ZFAND6: variants seen among roughly 807,000 people sequenced by gnomAD.
The protein encoded by ZFAND6 is AN1-type zinc finger protein 6.
ZFAND6 carries 12 observed loss-of-function variants against 24.5 expected under a neutral mutation model. That is an observed-to-expected ratio of 0.49 (90% CI 0.31 to 0.79). The LOEUF (loss-of-function observed/expected upper bound fraction) is 0.79. Ranked by LOEUF, ZFAND6 falls within the 30% of genes least tolerant of loss-of-function variation. The pLI is 0.04. For synonymous variants in ZFAND6, 92 were observed against 81.5 expected (o/e 1.13, Z -0.69); for missense variants, 207 against 245.9 (o/e 0.84, Z 1.06).
chr15:80,136,890 T>C (rs1009451934), intron 6 of ZFAND6, among the ~76,000 whole-genome samples: 1 of 152,214 alleles, frequency 6.6e-6, no homozygotes, highest in Admixed American at 6.5e-5. Context: ...TCCTTACTTA[T>C]TATTATTCCA....
rs928842480 is a variant in ZFAND6 at position 80,114,454 on chromosome 15, T to C, written c.-17-5874T>C. Among the ~76,000 whole-genome samples, 46 of 152,052 alleles carry C rather than the reference T, an allele frequency of 3.0e-4. 1 individual carries two copies. The highest frequency in any genetic ancestry group is 3.0e-3 in the Admixed American group (46 of 15,258). On this transcript the variant is annotated intron_variant, in intron 2 of 6. Coordinates refer to ENST00000261749, the MANE Select transcript of ZFAND6 (RefSeq NM_019006.4). ...TATACAAACTAAAACCGAAGTAATATGATGAGAACTGGGTGTTTTAGGAGA... is the reference window on the plus strand; with the variant it reads ...TATACAAACTAAAACCGAAGTAATACGATGAGAACTGGGTGTTTTAGGAGA...
chr15:80,118,566 GTATGTATATATACA>G lies in ZFAND6; in HGVS notation c.-17-1750_-17-1737del, dbSNP rs1476987692. On this transcript the variant is annotated intron_variant, in intron 2 of 6. Coordinates refer to ENST00000261749, the MANE Select transcript of ZFAND6 (RefSeq NM_019006.4). ...TTTTTAATGTGATATGTGTGTGTAT[GTATGTATATATACA>G]TATGTATATATTTTACAGGGCTGTA... Among the ~76,000 whole-genome samples the G allele has an allele frequency of 6.6e-5, 10 of 152,102 alleles. No individual in the cohort carries two copies. The East Asian group carries it at 1.9e-3, about 29-fold the overall frequency.
intron 6 of ZFAND6, among the ~76,000 whole-genome samples, chr15:80,133,251 G>A (rs989992720): frequency 1.3e-5 from 2 of 150,696 alleles, no homozygotes; most frequent in East Asian, 1.9e-4. Context: ...GGAGTACAGT[G>A]GCACTATCTC....
chr15:80,077,106 TG>T (rs1432567315), intron 1 of ZFAND6, among the ~76,000 whole-genome samples: 1 of 152,100 alleles, frequency 6.6e-6, no homozygotes, highest in African/African-American at 2.4e-5. Flanking sequence ...AGCTGTGTAG[TG>T]GGAAGATTAG....
chr15:80,106,811 T>G (rs1326421432), intron 2 of ZFAND6, among the ~76,000 whole-genome samples: 1 of 152,188 alleles, frequency 6.6e-6, no homozygotes, highest in Non-Finnish European at 1.5e-5. Context: ...AGACTTCAGT[T>G]TCCAGTATGT....
At chr15:80,082,215 G>A (rs913210552) in intron 1 of ZFAND6, among the ~76,000 whole-genome samples, 2 of 152,108 alleles carry the variant, frequency 1.3e-5, no homozygotes, top group African/African-American at 2.4e-5. Context: ...GCAAATAAGT[G>A]GTAAAAACAG....
At chr15:80,107,891 A>C (rs2039419381) in intron 2 of ZFAND6, among the ~76,000 whole-genome samples, 3 of 151,328 alleles carry the variant, frequency 2.0e-5, no homozygotes, top group East Asian at 3.9e-4. Context: ...GGGAGGGGGA[A>C]GGACCTCTGA....
chr15:80,131,126 A>T (rs1009292693), intron 5 of ZFAND6, 54 bp from the exon 6 acceptor site: 1 of 1,396,090 alleles, frequency 7.2e-7, no homozygotes, highest in African/African-American at 1.4e-5. Context: ...TGGGATGAGG[A>T]ATAGCAAAAT....
At chr15:80,101,676 G>T (rs1030058121) in intron 2 of ZFAND6, among the ~76,000 whole-genome samples, 1 of 151,898 alleles carries the variant, frequency 6.6e-6, no homozygotes, top group Non-Finnish European at 1.5e-5. Context: ...GAACATGAAA[G>T]ATTGGTTCTT....
chr15:80,134,705 A>G (rs180925487), intron 6 of ZFAND6, among the ~76,000 whole-genome samples: 1 of 152,346 alleles, frequency 6.6e-6, no homozygotes, highest in East Asian at 1.9e-4. Context: ...TCAGGAGCTA[A>G]TAGACACCAA....
At chr15:80,118,480 G>A (rs558112520) in intron 2 of ZFAND6, among the ~76,000 whole-genome samples, 1 of 151,940 alleles carries the variant, frequency 6.6e-6, no homozygotes, top group East Asian at 1.9e-4. Flanking sequence ...CATAAAATAG[G>A]CAAAAAAGGG....
At chr15:80,082,124 A>G (rs62006305) in intron 1 of ZFAND6, among the ~76,000 whole-genome samples, 60 of 152,294 alleles carry the variant, frequency 3.9e-4, no homozygotes, top group Non-Finnish European at 7.5e-4. Flanking sequence ...CAGTAAGCCC[A>G]GGTGGGGAAG....
Position 80,062,569 on chromosome 15 carries a change from A to G in ZFAND6, c.-181+2760A>G, listed in dbSNP as rs960795987. Among the ~76,000 whole-genome samples, 9 of 152,282 alleles carry G rather than the reference A, an allele frequency of 5.9e-5. No individual in the cohort carries two copies. The South Asian group carries it at 6.2e-4, about 11-fold the overall frequency. On this transcript the variant is annotated intron_variant, in intron 1 of 6. Coordinates refer to ENST00000261749, the MANE Select transcript of ZFAND6 (RefSeq NM_019006.4). The stretch of plus-strand genomic sequence containing the variant: ...TGTATGTAAGTGTGAATTTACATGT[A>G]ATTTTGAATAACCTTTTTGTTTGAA...
chr15:80,068,798 C>T (rs1399382828), intron 1 of ZFAND6, among the ~76,000 whole-genome samples: 1 of 152,206 alleles, frequency 6.6e-6, no homozygotes, highest in Non-Finnish European at 1.5e-5. Context: ...AATAGAAAAC[C>T]ACATGTGGCT....
chr15:80,120,738 T>C (rs2040109381), intron 3 of ZFAND6: 1 of 251,882 alleles, frequency 4.0e-6, no homozygotes, highest in East Asian at 7.4e-5. Flanking sequence ...TGTGGAATTC[T>C]GTTACTTTAT....
chr15:80,121,884 T>G (rs1195083791), intron 4 of ZFAND6, 64 bp downstream of exon 4: 1 of 1,365,206 alleles, frequency 7.3e-7, no homozygotes, highest in Admixed American at 2.3e-5. Flanking sequence ...TATTCTGTGT[T>G]TGATTAATAA....
intron 1 of ZFAND6, among the ~76,000 whole-genome samples, chr15:80,090,544 G>A (rs745823932): frequency 6.6e-6 from 1 of 152,142 alleles, no homozygotes; most frequent in Non-Finnish European, 1.5e-5. Flanking sequence ...TATTTGTCCT[G>A]CAATTCTGAC....
intron 1 of ZFAND6, among the ~76,000 whole-genome samples, chr15:80,085,540 A>G (rs1323331364): frequency 6.6e-6 from 1 of 152,258 alleles, no homozygotes; most frequent in Non-Finnish European, 1.5e-5. Context: ...TACAATTGAA[A>G]TACATATTAA....
Position 80,121,723 on chromosome 15 carries a change from A to G in ZFAND6, c.166A>G (p.Ser56Gly). The G allele has an allele frequency of 6.2e-7, 1 of 1,613,798 alleles. No homozygotes were observed. Among genetic ancestry groups the G allele is most frequent in the Non-Finnish European group, 8.5e-7 (1 of 1,179,804 alleles). Residue 56 changes from serine (S) to glycine (G), a missense_variant, in exon 4 of 7, where the codon AGT becomes GGT. Physicochemically the swap from Ser to Gly is moderately conservative, Grantham distance 56. This residue lies in a region of ZFAND6 where 133 missense variants were observed against 122.8 expected (regional missense o/e 1.08). Coordinates refer to ENST00000261749, the MANE Select transcript of ZFAND6 (RefSeq NM_019006.4). ...GRISPPATSV[S>G]SLSESLPVQC... ...TGGTACTGTTACAGCAACCTCTGTCAGTAGTCTGTCTGAATCTTTACCAGT... is the reference window on the plus strand; with the variant it reads ...TGGTACTGTTACAGCAACCTCTGTCGGTAGTCTGTCTGAATCTTTACCAGT...
Sources: gnomAD v4.1 joint callset for allele counts (sites outside exome capture counted in the v4.1 genomes callset) on GRCh38, gnomAD v4.1.1 for gene constraint, gnomAD v4.1.1 regional missense constraint, MANE v1.5 for transcripts, NCBI Gene and HGNC (gene_info 2026-07-23, HGNC 2026-07-21) for gene names.